The following TENM3 variants were observed in gnomAD, a reference collection of about 807,000 sequenced individuals.
The protein encoded by TENM3 is teneurin transmembrane protein 3.
Under a neutral mutation model 255.1 loss-of-function variants are expected in TENM3, and 63 were observed. That is an observed-to-expected ratio of 0.25 (90% CI 0.20 to 0.30). TENM3 has a LOEUF of 0.30. TENM3 is among the 10% of genes least tolerant of loss of function. TENM3 has a pLI of 1.00. For missense variants in TENM3, 2,929 were observed against 3,461.1 expected (o/e 0.85, Z 3.86); for synonymous variants, 1,306 against 1,322.3 (o/e 0.99, Z 0.27).
At chr4:181,456,319 G>T in the TENM3 span, among the ~76,000 whole-genome samples, 278 of 151,804 alleles carry the variant, frequency 1.8e-3, no homozygotes, top group African/African-American at 6.6e-3. Context: ...TCCTTCGATT[G>T]TCTAGAGAGC....
chr4:182,338,247 C>G (rs1298894877), intron 2 of TENM3, among the ~76,000 whole-genome samples: 2 of 152,194 alleles, frequency 1.3e-5, no homozygotes, highest in Non-Finnish European at 2.9e-5. Context: ...TGCACTGTCT[C>G]TACTGAACCA....
chr4:181,788,629 G>A, the TENM3 span, among the ~76,000 whole-genome samples: 2 of 152,032 alleles, frequency 1.3e-5, no homozygotes, highest in African/African-American at 2.4e-5. Context: ...ACAGGGTCTC[G>A]CTCTGTGGCC....
At chr4:182,631,104 G>C (rs1423110983) in intron 5 of TENM3, among the ~76,000 whole-genome samples, 1 of 151,386 alleles carries the variant, frequency 6.6e-6, no homozygotes, top group Non-Finnish European at 1.5e-5. Context: ...TTACTTTTTA[G>C]TAATTACCAA....
chr4:181,474,182 G>T, the TENM3 span, among the ~76,000 whole-genome samples: 1 of 151,926 alleles, frequency 6.6e-6, no homozygotes, highest in Non-Finnish European at 1.5e-5. Flanking sequence ...GGGAGTTAGG[G>T]GAGGGATAGC....
intron 3 of TENM3, among the ~76,000 whole-genome samples, chr4:182,540,946 C>T (rs529369693): frequency 9.9e-5 from 15 of 152,114 alleles, no homozygotes; most frequent in Non-Finnish European, 1.9e-4. Flanking sequence ...GCAGAGCGAG[C>T]GAGTGGTACT....
the TENM3 span, among the ~76,000 whole-genome samples, chr4:181,786,001 C>T: frequency 7.9e-5 from 12 of 152,230 alleles, no homozygotes; most frequent in Admixed American, 2.6e-4. Context: ...TATGAAGTGA[C>T]GCTGGGCTGT....
intron 1 of TENM3, among the ~76,000 whole-genome samples, chr4:182,172,621 A>T (rs1752183434): frequency 6.6e-6 from 1 of 152,212 alleles, no homozygotes; most frequent in African/African-American, 2.4e-5. Flanking sequence ...GCCACTGGCA[A>T]TCAAGGCATC....
At chr4:182,692,443 A>G (rs1276410506) in intron 12 of TENM3, among the ~76,000 whole-genome samples, 1 of 152,216 alleles carries the variant, frequency 6.6e-6, no homozygotes, top group African/African-American at 2.4e-5. Context: ...ATTCATTTGT[A>G]TCCCAGAGAA....
the TENM3 span, among the ~76,000 whole-genome samples, chr4:182,087,143 CCTGT>C: frequency 4.6e-5 from 7 of 152,126 alleles, no homozygotes; most frequent in African/African-American, 1.7e-4. Context: ...TGAGTTTCCC[CCTGT>C]CTGTAGGCTT....
At chr4:182,659,613 C>T (rs1355460563) in intron 6 of TENM3, among the ~76,000 whole-genome samples, 7 of 152,078 alleles carry the variant, frequency 4.6e-5, no homozygotes, top group Non-Finnish European at 8.8e-5. Flanking sequence ...TCTCATCTCC[C>T]GTATTTAGTC....
chr4:182,199,273 G>A (rs373835825), intron 1 of TENM3, among the ~76,000 whole-genome samples: 8 of 152,046 alleles, frequency 5.3e-5, no homozygotes, highest in East Asian at 3.9e-4. Context: ...AGACCAGCCT[G>A]GCCAACATGG....
chr4:182,552,712 G>A (rs1190875061), intron 3 of TENM3, among the ~76,000 whole-genome samples: 2 of 152,150 alleles, frequency 1.3e-5, no homozygotes, highest in Admixed American at 1.3e-4. Flanking sequence ...GCCAAAGATG[G>A]GAAAGGAAGA....
At chr4:181,638,391 A>C in the TENM3 span, among the ~76,000 whole-genome samples, 1 of 152,212 alleles carries the variant, frequency 6.6e-6, no homozygotes, top group Admixed American at 6.5e-5. Context: ...TGCATAGAAA[A>C]ATACTTAATG....
chr4:181,922,343 C>T, the TENM3 span, among the ~76,000 whole-genome samples: 22 of 152,036 alleles, frequency 1.4e-4, no homozygotes, highest in Non-Finnish European at 2.2e-4. Flanking sequence ...GGTAGAATTC[C>T]GCTGTGAATC....
intron 6 of TENM3, among the ~76,000 whole-genome samples, chr4:182,659,246 C>G (rs905709341): frequency 1.3e-5 from 2 of 152,292 alleles, no homozygotes; most frequent in South Asian, 2.1e-4. Flanking sequence ...CACATCCCCC[C>G]CTCCACAGTT....
At position 182,237,672 on chromosome 4, in the gene TENM3, G is replaced by A. The variant is rs186561684; in HGVS notation, c.-75-86274G>A. 2.5e-4 allele frequency among the ~76,000 whole-genome samples: 38 copies of A among 152,254 alleles called. No individual in the cohort carries two copies. The South Asian group carries it at 3.3e-3, about 13-fold the overall frequency. ...TTTGGGGTCTTAGAAAAGTAATGTC[G>A]TGGCCGTATTGTCTGTTACACAGCA... On this transcript the variant is annotated intron_variant, in intron 1 of 2. Coordinates refer to the TENM3 transcript ENST00000512480.
chr4:182,018,131 T>C, the TENM3 span, among the ~76,000 whole-genome samples: 3 of 152,210 alleles, frequency 2.0e-5, no homozygotes, highest in Admixed American at 6.5e-5. Context: ...TAACTTACCG[T>C]GTATGACTAT....
chr4:181,448,280 C>G, the TENM3 span, among the ~76,000 whole-genome samples: 21 of 143,576 alleles, frequency 1.5e-4, 1 homozygote, highest in Non-Finnish European at 2.7e-4. Context: ...CATTCTCCTG[C>G]CTCAGCCTCC....
intron 3 of TENM3, among the ~76,000 whole-genome samples, chr4:182,455,697 G>T (rs150613813): frequency 6.6e-6 from 1 of 151,346 alleles, no homozygotes; most frequent in Non-Finnish European, 1.5e-5. Flanking sequence ...GAGTAGCTGG[G>T]ATTACAGGCG....
Sources: gnomAD v4.1 joint callset for allele counts (sites outside exome capture counted in the v4.1 genomes callset) on GRCh38, gnomAD v4.1.1 for gene constraint, MANE v1.5 for transcripts, NCBI Gene and HGNC (gene_info 2026-07-23, HGNC 2026-07-21) for gene names.